RBM27: variants seen among roughly 807,000 people sequenced by gnomAD.
RBM27 encodes RNA-binding protein 27.
Under a neutral mutation model 135.3 loss-of-function variants are expected in RBM27, and 22 were observed. The ratio of observed to expected loss-of-function variants is 0.16; its 90% CI spans 0.12 to 0.23. The LOEUF (loss-of-function observed/expected upper bound fraction) is 0.23. Ranked by LOEUF, RBM27 falls within the 10% of genes least tolerant of loss-of-function variation. The pLI is 1.00. For missense variants in RBM27, 1,009 were observed against 1,281.0 expected (o/e 0.79, Z 3.24); for synonymous variants, 481 against 442.4 (o/e 1.09, Z -1.10).
chr5:146,204,800 A>C (rs989943033), intron 1 of RBM27, among the ~76,000 whole-genome samples: 2 of 152,220 alleles, frequency 1.3e-5, no homozygotes, highest in Non-Finnish European at 1.5e-5. Flanking sequence ...GGGACCGAAA[A>C]GAATGAGAGA....
chr5:146,218,710 T>C (rs1428492943), intron 1 of RBM27, among the ~76,000 whole-genome samples: 1 of 152,188 alleles, frequency 6.6e-6, no homozygotes, highest in Non-Finnish European at 1.5e-5. Flanking sequence ...CCTGTTATCA[T>C]TGAGAGAACA....
At chr5:146,253,560 A>G (rs996067675) in intron 9 of RBM27, among the ~76,000 whole-genome samples, 4 of 152,028 alleles carry the variant, frequency 2.6e-5, no homozygotes, top group African/African-American at 9.7e-5. Context: ...CAAAACCTGA[A>G]AAAAGGGGAA....
At chr5:146,261,338 C>T in intron 12 of RBM27, 172 bp from the exon 13 acceptor site, 1 of 642,776 alleles carries the variant, frequency 1.6e-6, no homozygotes, top group Non-Finnish European at 2.7e-6. Flanking sequence ...ACCTTTGTGA[C>T]CTCATTTAAC....
intron 8 of RBM27, among the ~76,000 whole-genome samples, chr5:146,241,993 G>A (rs891140800): frequency 6.6e-6 from 1 of 151,968 alleles, no homozygotes; most frequent in African/African-American, 2.4e-5. Context: ...TTCTTGCTTT[G>A]TTGCCCAGGC....
Position 146,242,049 on chromosome 5 carries a change from C to T in RBM27, c.1279+4617C>T, listed in dbSNP as rs1018939605. ...AAGTGTTACTCCTGCCTCAGCTTCC[C>T]GAAGTGCTGGGATCACGGGTGTGAG... is the stretch of plus-strand genomic sequence containing the variant. On this transcript the variant is annotated intron_variant, in intron 8 of 20. Coordinates refer to ENST00000265271, the MANE Select transcript of RBM27 (RefSeq NM_018989.2). Among the ~76,000 whole-genome samples, 6 of 151,898 alleles carry T rather than the reference C, an allele frequency of 4.0e-5. 1 individual carries two copies. Among genetic ancestry groups the T allele is most frequent in the Admixed American group, 6.6e-5 (1 of 15,238 alleles).
At chr5:146,245,760 G>A (rs554592976) in intron 8 of RBM27, among the ~76,000 whole-genome samples, 9 of 152,174 alleles carry the variant, frequency 5.9e-5, no homozygotes, top group African/African-American at 1.9e-4. Flanking sequence ...TGTAAATTGC[G>A]CATATGAAGG....
rs1455986165 is a variant in RBM27 at position 146,286,129 on chromosome 5, A to G, written c.*99A>G. 1.9e-6 allele frequency: 2 copies of G among 1,045,130 alleles called. No individual in the cohort carries two copies. The highest frequency in any genetic ancestry group is 1.6e-5 in the South Asian group (1 of 63,064). 64.7% of individuals were successfully genotyped at this position (1,045,130 alleles called of 1,614,324 possible). A position where few individuals can be genotyped will look rare whatever the true frequency, so the allele number is the denominator to read the frequency against. On this transcript the variant is annotated 3_prime_UTR_variant, in exon 21 of 21. Coordinates refer to ENST00000265271, the MANE Select transcript of RBM27 (RefSeq NM_018989.2). ...TCAATGAGCCAAAAAAAATTTTTTT[A>G]TTTTTCTTTTCAACACAGTAGGTTC...
chr5:146,211,371 A>G (rs1307530976), intron 1 of RBM27, among the ~76,000 whole-genome samples: 1 of 152,056 alleles, frequency 6.6e-6, no homozygotes, highest in Non-Finnish European at 1.5e-5. Flanking sequence ...TTTGAAAAAA[A>G]GTAGAAGTAC....
At chr5:146,247,139 C>T (rs1373121738) in intron 8 of RBM27, among the ~76,000 whole-genome samples, 1 of 152,148 alleles carries the variant, frequency 6.6e-6, no homozygotes, top group Non-Finnish European at 1.5e-5. Context: ...GCTGGGATTA[C>T]AGATGTGAGC....
chr5:146,244,447 C>A (rs779809673), intron 8 of RBM27, among the ~76,000 whole-genome samples: 1 of 150,786 alleles, frequency 6.6e-6, no homozygotes, highest in Non-Finnish European at 1.5e-5. Context: ...AAATAAATAA[C>A]TAACTGTGTT....
At chr5:146,243,093 G>A (rs1465566401) in intron 8 of RBM27, among the ~76,000 whole-genome samples, 1 of 151,382 alleles carries the variant, frequency 6.6e-6, no homozygotes, top group Non-Finnish European at 1.5e-5. Context: ...TGGTGAAATC[G>A]CATCTCTACT....
At position 146,223,444 on chromosome 5, in the gene RBM27, A is replaced by G; in HGVS notation, c.220A>G (p.Thr74Ala). Residue 74 changes from threonine to alanine, a missense_variant, in exon 3 of 21, where the codon ACT (threonine) becomes GCT (alanine). By Grantham distance (58) the Thr-to-Ala change is moderately conservative (BLOSUM62 0). This residue lies in a region of RBM27 where 268 missense variants were observed against 326.6 expected (regional missense o/e 0.82). Coordinates refer to ENST00000265271, the MANE Select transcript of RBM27 (RefSeq NM_018989.2). Reference protein sequence around the residue: ...FVDKLFESLYTKNYLPLLEPV... With the variant: ...FVDKLFESLYAKNYLPLLEPV... ...GGACAAACTATTTGAAAGTCTCTAT[A>G]CTAAGAACTACCTTCCACTTTTGGA... 6.2e-7 allele frequency: 1 copy of G among 1,610,306 alleles called. No homozygotes were observed. The highest frequency in any genetic ancestry group is 8.5e-7 in the Non-Finnish European group (1 of 1,178,344).
chr5:146,218,977 C>T lies in RBM27; in HGVS notation c.60-8C>T. The stretch of plus-strand genomic sequence containing the variant: ...TTTAAAATTTTTGTTTTCTCTTTGT[C>T]TAACTAGATGTGATGCTGATCCTTC... On this transcript the variant is annotated splice_region_variant and splice_polypyrimidine_tract_variant and intron_variant, in intron 1 of 20. Transcript: ENST00000265271. The T allele has an allele frequency of 1.3e-6, 2 of 1,554,778 alleles. No individual in the cohort carries two copies. Among genetic ancestry groups the T allele is most frequent in the Admixed American group, 2.0e-5 (1 of 49,388 alleles).
intron 8 of RBM27, among the ~76,000 whole-genome samples, chr5:146,248,234 G>GT (rs371306680): frequency 0.38 from 51,184 of 134,566 alleles, 9,538 homozygotes; most frequent in African/African-American, 0.45. Context: ...GCTTCTGCTA[G>GT]TTTTTTTTTT....
chr5:146,261,846 A>C, intron 13 of RBM27, 40 bp downstream of exon 13: 2 of 1,605,698 alleles, frequency 1.2e-6, no homozygotes, highest in South Asian at 2.2e-5. Flanking sequence ...TTTTAGTTAC[A>C]CCCTCTAGAT....
chr5:146,277,517 A>ATTTTTTTTTTT (rs371321141), intron 19 of RBM27, among the ~76,000 whole-genome samples: 1 of 125,518 alleles, frequency 8.0e-6, no homozygotes. Context: ...TACTGGGATA[A>ATTTTTTTTTTT]TTTTTTTTTT....
chr5:146,231,549 CTG>C lies in RBM27; in HGVS notation c.850+634_850+635del, dbSNP rs1376312823. ...TTTGTTTTCACTGTTATTTCAAACA[CTG>C]TATGCCATAGTATACTGTAAAATTT... On this transcript the variant is annotated intron_variant, in intron 6 of 20. Transcript: ENST00000265271. Among the ~76,000 whole-genome samples, 6 of 152,196 alleles carry C rather than the reference CTG, an allele frequency of 3.9e-5. No homozygotes were observed. The East Asian group carries it at 1.2e-3, about 29-fold the overall frequency.
chr5:146,237,113 A>G (rs964497469), intron 7 of RBM27, among the ~76,000 whole-genome samples, 185 bp from the exon 8 acceptor site: 6 of 151,402 alleles, frequency 4.0e-5, no homozygotes, highest in Non-Finnish European at 8.8e-5. Flanking sequence ...TCATTTTTGT[A>G]TTGTTAGTAG....
At chr5:146,225,111 ATT>A (rs1302837430) in intron 3 of RBM27, among the ~76,000 whole-genome samples, 1 of 151,764 alleles carries the variant, frequency 6.6e-6, no homozygotes, top group Non-Finnish European at 1.5e-5. Flanking sequence ...TCCTTTTTTT[ATT>A]TCCTTTTAAA....
Sources: allele counts gnomAD v4.1 joint callset (sites outside exome capture counted in the v4.1 genomes callset), GRCh38; gene constraint gnomAD v4.1.1; regional missense constraint gnomAD v4.1.1; transcripts MANE v1.5; gene names NCBI Gene and HGNC (gene_info 2026-07-23, HGNC 2026-07-21).